AADACL3: variants seen among roughly 807,000 people sequenced by gnomAD.
The protein encoded by AADACL3 is arylacetamide deacetylase like 3, also known as arylacetamide deacetylase-like 3.
In AADACL3, 13 loss-of-function variants were observed where a neutral mutation model predicts 13.6. The ratio of observed to expected loss-of-function variants is 0.95; its 90% CI spans 0.62 to 1.52. The LOEUF is 1.52. Among genes scored for constraint, AADACL3 ranks in the 40% most tolerant of loss-of-function variants. The probability of loss-of-function intolerance (pLI) is 0.00; values close to 1 mark genes in which losing one functional copy is unlikely to be tolerated. For missense variants in AADACL3, 519 were observed against 499.2 expected (o/e 1.04, Z -0.38); for synonymous variants, 195 against 197.0 (o/e 0.99, Z 0.08).
chr1:12,722,682 C>CTTTT (rs1053024862), intron 3 of AADACL3, among the ~76,000 whole-genome samples: 1 of 140,946 alleles, frequency 7.1e-6, no homozygotes, highest in African/African-American at 2.6e-5. Context: ...GTTTCTTTGT[C>CTTTT]TTTTTTTTTT....
In AADACL3 at chr1:12,725,916, A is replaced by G. The variant is rs549919324; in HGVS notation, c.1144A>G (p.Thr382Ala). The change falls in exon 4 of 4, where the codon ACC becomes GCC. Residue 382 changes from threonine to alanine, a missense_variant. By Grantham distance (58) the Thr-to-Ala change is moderately conservative. Transcript: ENST00000359318. ...GGATGGTTTCCATGGAGTGCTCAGG[A>G]CCATTGACATGAGCTTCTTGCACTT... ...MEDGFHGVLR[T>A]IDMSFLHFPC... 1.9e-6 allele frequency: 3 copies of G among 1,614,160 alleles called. No individual in the cohort carries two copies. In the South Asian group the frequency reaches 3.3e-5, roughly 18 times the overall value.
rs201236064 is a variant in AADACL3, at chr1:12,719,676, G to A, written c.370G>A (p.Val124Ile). The A allele has an allele frequency of 3.1e-4, 503 of 1,613,828 alleles. 3 individuals carry two copies. Among genetic ancestry groups the A allele is most frequent in the Middle Eastern group, 1.7e-4 (1 of 5,982 alleles). ...CGTGTACTACCACGGTGGCGGGGGC[G>A]TCATGGGGAGTTTGAGTAAGAACCA... The part of the protein sequence containing the change: ...GIVYYHGGGG[V>I]MGSLKTHHGI... Residue 124 changes from valine (V) to isoleucine (I), a missense_variant, in exon 2 of 4, where the codon GTC becomes ATC. Physicochemically the swap from Val to Ile is conservative, Grantham distance 29 (BLOSUM62 3). Coordinates refer to ENST00000359318, the MANE Select transcript of AADACL3 (RefSeq NM_001103170.3).
intron 3 of AADACL3, among the ~76,000 whole-genome samples, chr1:12,722,398 C>T (rs1431763099): frequency 6.6e-6 from 1 of 151,646 alleles, no homozygotes; most frequent in Non-Finnish European, 1.5e-5. Flanking sequence ...TGGATAAACC[C>T]CTGACTTTAC....
In AADACL3 at chr1:12,719,459, C is replaced by A; in HGVS notation, c.169-16C>A. ...AGAAACCCATCTCGACCCATCATTT[C>A]TTCTCTCTCCAACAGGGGATGATAT... On this transcript the variant is annotated splice_polypyrimidine_tract_variant and intron_variant, in intron 1 of 3. Transcript: ENST00000359318. The A allele has an allele frequency of 6.2e-7, 1 of 1,610,208 alleles. No individual in the cohort carries two copies. Among genetic ancestry groups the A allele is most frequent in the South Asian group, 1.1e-5 (1 of 90,944 alleles).
rs755646064 is a variant in AADACL3 at position 12,726,283 on chromosome 1, C to T, written c.*287C>T. The T allele has an allele frequency of 4.5e-5, 19 of 426,056 alleles. No individual in the cohort carries two copies. The highest frequency in any genetic ancestry group is 1.7e-4 in the South Asian group (5 of 29,548). 26.4% of individuals were successfully genotyped at this position (426,056 alleles called of 1,614,324 possible). Reference sequence around the variant, plus strand: ...TGGCCATTTGTGGGAGTGAATCAGCCGGTAAGAGCTGTTCTCAGCCTCCCT... The same window carrying T: ...TGGCCATTTGTGGGAGTGAATCAGCTGGTAAGAGCTGTTCTCAGCCTCCCT... On this transcript the variant is annotated 3_prime_UTR_variant, in exon 4 of 4. Coordinates refer to ENST00000359318, the MANE Select transcript of AADACL3 (RefSeq NM_001103170.3).
chr1:12,718,189 T>A (rs1258636283), intron 1 of AADACL3, among the ~76,000 whole-genome samples: 1 of 152,066 alleles, frequency 6.6e-6, no homozygotes, highest in Non-Finnish European at 1.5e-5. Context: ...TAAATAACAC[T>A]GCTTTTCTTT....
chr1:12,725,986 A>G lies in AADACL3; in HGVS notation c.1214A>G (p.Lys405Arg). The G allele has an allele frequency of 6.2e-7, 1 of 1,610,120 alleles. No homozygotes were observed. Residue 405 changes from lysine (K) to arginine (R), a missense_variant, in exon 4 of 4, where the codon AAG becomes AGG. By Grantham distance (26) the Lys-to-Arg change is conservative. Coordinates refer to ENST00000359318, the MANE Select transcript of AADACL3 (RefSeq NM_001103170.3). ...CTGAGTGCATTAGTTCAATTTGTAA[A>G]GGGACTGTGACCATCTTTCTTCTCT... ...RILSALVQFV[K>R]GL
rs59245013 is a variant in AADACL3, at chr1:12,719,119, C to T, written c.169-356C>T. Among the ~76,000 whole-genome samples the T allele has an allele frequency of 2.5e-3, 375 of 152,230 alleles. 1 individual carries two copies. The highest frequency in any genetic ancestry group is 8.9e-3 in the African/African-American group (368 of 41,540). ...CGGCACAGGAAGGCCTCCCTGGAAA[C>T]AGATGTTGCGCCCAGGCTGAGGTGG... On this transcript the variant is annotated intron_variant, in intron 1 of 3. Transcript: ENST00000359318.
rs2100216863 is a variant in AADACL3, at chr1:12,725,378, T to G, written c.606T>G (p.Val202=). The G allele has an allele frequency of 1.9e-6, 3 of 1,614,160 alleles. No individual in the cohort carries two copies. The highest frequency in any genetic ancestry group is 2.5e-6 in the Non-Finnish European group (3 of 1,180,018). ...DSFGGAIAAV[V]CQQLVDRPDL... ...TCGGAGGGGCAATAGCCGCAGTGGT[T>G]TGTCAACAACTTGTGGACAGGCCAG... The change falls in exon 4 of 4, where the codon GTT becomes GTG. Residue 202 remains valine, a synonymous_variant. Coordinates refer to ENST00000359318, the MANE Select transcript of AADACL3 (RefSeq NM_001103170.3).
chr1:12,723,439 C>T (rs147355301), intron 3 of AADACL3, among the ~76,000 whole-genome samples: 1 of 152,064 alleles, frequency 6.6e-6, no homozygotes, highest in African/African-American at 2.4e-5. Context: ...TGTACTGCAT[C>T]ATTTATTTTT....
At chr1:12,718,906 G>T (rs1005764781) in intron 1 of AADACL3, among the ~76,000 whole-genome samples, 1 of 151,970 alleles carries the variant, frequency 6.6e-6, no homozygotes, top group African/African-American at 2.4e-5. Context: ...CCTTCCCTGT[G>T]TCCCTAAATG....
intron 1 of AADACL3, among the ~76,000 whole-genome samples, chr1:12,718,113 C>G (rs918716047): frequency 6.6e-6 from 1 of 152,106 alleles, no homozygotes; most frequent in African/African-American, 2.4e-5. Context: ...TCTTATTACT[C>G]TATGTGCTAG....
At position 12,725,301 on chromosome 1, in the gene AADACL3, C is replaced by G; in HGVS notation, c.529C>G (p.Leu177Val). Residue 177 changes from leucine (L) to valine (V), a missense_variant, in exon 4 of 4, where the codon CTG becomes GTG. By Grantham distance (32) the Leu-to-Val change is conservative (BLOSUM62 1). Coordinates refer to ENST00000359318, the MANE Select transcript of AADACL3 (RefSeq NM_001103170.3). ...GGCCACCATCCACTTCCTGAAGTCC[C>G]TGGATGCATATGGAGTGGATCCAGC... ...LVATIHFLKSLDAYGVDPARV... is the reference protein window; with the variant it reads ...LVATIHFLKSVDAYGVDPARV... The G allele has an allele frequency of 5.6e-6, 9 of 1,614,126 alleles. No individual in the cohort carries two copies. The highest frequency in any genetic ancestry group is 7.6e-6 in the Non-Finnish European group (9 of 1,180,014).
At chr1:12,723,559 C>T (rs913167938) in intron 3 of AADACL3, among the ~76,000 whole-genome samples, 60 of 152,196 alleles carry the variant, frequency 3.9e-4, no homozygotes, top group Non-Finnish European at 2.1e-4. Flanking sequence ...CTCACTGCAA[C>T]CTCTGCCTCC....
Position 12,728,212 on chromosome 1 carries a change from A to G in AADACL3, c.*2216A>G, listed in dbSNP as rs1343710500. ...TGAATGTTCACCCAGGGCCAGCTAC[A>G]TGCTAGGCACTGTACTGGACCATTT... On this transcript the variant is annotated 3_prime_UTR_variant, in exon 4 of 4. Transcript: ENST00000359318. 2 of 152,236 alleles carry G rather than the reference A, an allele frequency of 1.3e-5. No individual in the cohort carries two copies. Among genetic ancestry groups the G allele is most frequent in the Non-Finnish European group, 2.9e-5 (2 of 68,046 alleles). The allele number at this position is 152,236 out of a possible 1,614,324, so 9.4% of individuals were successfully genotyped here.
intron 3 of AADACL3, among the ~76,000 whole-genome samples, chr1:12,724,678 G>A (rs1171024705): frequency 2.6e-5 from 4 of 152,078 alleles, no homozygotes; most frequent in East Asian, 1.9e-4. Context: ...TAGAGGTGGG[G>A]TCTCACCATG....
intron 2 of AADACL3, among the ~76,000 whole-genome samples, 180 bp downstream of exon 2, chr1:12,719,871 C>T (rs898327514): frequency 6.6e-6 from 1 of 152,074 alleles, no homozygotes; most frequent in African/African-American, 2.4e-5. Context: ...TCTTATGTAT[C>T]TCCTTATTTA....
At chr1:12,717,487 C>A (rs1221984344) in intron 1 of AADACL3, among the ~76,000 whole-genome samples, 1 of 152,134 alleles carries the variant, frequency 6.6e-6, no homozygotes, top group Non-Finnish European at 1.5e-5. Flanking sequence ...TAAATAGTAG[C>A]CATTGTTACT....
Position 12,727,094 on chromosome 1 carries a change from G to C in AADACL3, c.*1098G>C, listed in dbSNP as rs1638384054. The C allele has an allele frequency of 6.6e-6, 1 of 152,156 alleles. No individual in the cohort carries two copies. The allele number at this position is 152,156 out of a possible 1,614,324, so 9.4% of individuals were successfully genotyped here. A position where few individuals can be genotyped will look rare whatever the true frequency, so the allele number is the denominator to read the frequency against. ...GCAGCTTCATGCCTACCTTCCTCCA[G>C]GGTCAAGTTCATTATCATGGACTTG... On this transcript the variant is annotated 3_prime_UTR_variant, in exon 4 of 4. Coordinates refer to ENST00000359318, the MANE Select transcript of AADACL3 (RefSeq NM_001103170.3).
Sources: gnomAD v4.1 joint callset for allele counts (sites outside exome capture counted in the v4.1 genomes callset) on GRCh38, gnomAD v4.1.1 for gene constraint, MANE v1.5 for transcripts, NCBI Gene and HGNC (gene_info 2026-07-23, HGNC 2026-07-21) for gene names.